MAP3K15: variants seen among roughly 807,000 people sequenced by gnomAD.
MAP3K15 encodes mitogen-activated protein kinase kinase kinase 15.
A neutral mutation model predicts 99.5 loss-of-function variants in MAP3K15; 124 were observed. That is an observed-to-expected ratio of 1.25 (90% CI 1.08 to 1.45). The LOEUF is 1.45. Among genes scored for constraint, MAP3K15 ranks in the 40% most tolerant of loss-of-function variants. MAP3K15 has a pLI of 0.00. For synonymous variants in MAP3K15, 494 were observed against 439.6 expected (o/e 1.12, Z -1.55); for missense variants, 1,242 against 1,079.7 (o/e 1.15, Z -2.11).
chrX:19,451,471 TCAA>T (rs1400987609), intron 6 of MAP3K15, among the ~76,000 whole-genome samples: 2 of 98,565 alleles, frequency 2.0e-5, no homozygotes, highest in African/African-American at 7.0e-5. Context: ...CTCCTACAAC[TCAA>T]CAACAACAAA....
Position 19,425,549 on chromosome X carries a change from T to C in MAP3K15, c.1421A>G (p.Lys474Arg), listed in dbSNP as rs746482839. Reference protein sequence around the residue: ...KAVQAAERLFKLKPPVWYLRS... With the variant: ...KAVQAAERLFRLKPPVWYLRS... ...AACTCACCAGACTGGAGGTTTCAGT[T>C]TGAACAACCTCTCTGCTGCCTGGAC... Residue 474 changes from lysine (K) to arginine (R), a missense_variant, in exon 9 of 29, where the codon AAA (lysine) becomes AGA (arginine). Lys to Arg is a conservative substitution (Grantham distance 26). Transcript: ENST00000338883. 69 of 1,196,027 alleles carry C rather than the reference T, an allele frequency of 5.8e-5. No homozygotes were observed. The highest frequency in any genetic ancestry group is 7.3e-5 in the Non-Finnish European group (65 of 893,598).
Position 19,464,290 on chromosome X carries a change from G to T in MAP3K15, c.642C>A (p.Asp214Glu). ...GCATGCACAGCGGGCCCAGGATGTTGTCCCAGTTGGGCTGCATGTACTCGG... is the reference window on the plus strand; with the variant it reads ...GCATGCACAGCGGGCCCAGGATGTTTTCCCAGTTGGGCTGCATGTACTCGG... ...RASEYMQPNW[D>E]NILGPLCMPL... The change falls in exon 4 of 29, where the codon GAC becomes GAA. Residue 214 changes from aspartate (D) to glutamate (E), a missense_variant. Physicochemically the swap from Asp to Glu is conservative, Grantham distance 45. Transcript: ENST00000338883. The T allele has an allele frequency of 8.3e-7, 1 of 1,200,115 alleles. No individual in the cohort carries two copies. Among genetic ancestry groups the T allele is most frequent in the Non-Finnish European group, 1.1e-6 (1 of 895,059 alleles).
chrX:19,382,839 C>T (rs1046370497), intron 18 of MAP3K15, among the ~76,000 whole-genome samples: 1 of 112,053 alleles, frequency 8.9e-6, no homozygotes, highest in African/African-American at 3.2e-5. Flanking sequence ...AGGAAGGATC[C>T]GATACTGTGC....
intron 25 of MAP3K15, among the ~76,000 whole-genome samples, chrX:19,367,723 A>G (rs1193388398): frequency 8.3e-5 from 2 of 24,107 alleles, no homozygotes; most frequent in African/African-American, 1.3e-4. Context: ...ATAACTATGG[A>G]TTTTTTTTTT....
intron 9 of MAP3K15, among the ~76,000 whole-genome samples, chrX:19,424,248 A>G (rs1449134622): frequency 2.8e-5 from 3 of 107,526 alleles, no homozygotes; most frequent in Admixed American, 1.0e-4. Flanking sequence ...ATATATACAT[A>G]TATATACACA....
rs1569196438 is a variant in MAP3K15 at position 19,361,321 on chromosome X, C to CTT, written c.3857+17_3857+18insAA. 1 of 1,169,461 alleles carries CTT rather than the reference C, an allele frequency of 8.6e-7. No homozygotes were observed. Among genetic ancestry groups the CTT allele is most frequent in the Admixed American group, 2.3e-5 (1 of 44,326 alleles). On this transcript the variant is annotated intron_variant, in intron 28 of 28. Transcript: ENST00000338883. ...AAAAAGTTGTATTCTCTTATACAAA[C>CTT]TGTTTTGAGGCTCTTACCGTAGTCG... is the stretch of plus-strand genomic sequence containing the variant.
chrX:19,427,526 T>C (rs1016165647), intron 7 of MAP3K15, among the ~76,000 whole-genome samples: 1 of 111,176 alleles, frequency 9.0e-6, no homozygotes, highest in Non-Finnish European at 1.9e-5. Context: ...ATCTACTATA[T>C]CAGGATAAGC....
chrX:19,380,089 C>T (rs369767905), intron 19 of MAP3K15, 31 bp downstream of exon 19: 55 of 1,152,231 alleles, frequency 4.8e-5, no homozygotes, highest in South Asian at 6.1e-5. Context: ...TTCCCAACCA[C>T]GCCCAACCTC....
Position 19,446,202 on chromosome X carries a change from A to G in MAP3K15, c.995+10711T>C, listed in dbSNP as rs929803876. 5.4e-5 allele frequency among the ~76,000 whole-genome samples: 6 copies of G among 112,037 alleles called. 1 individual carries two copies. Among genetic ancestry groups the G allele is most frequent in the African/African-American group, 1.9e-4 (6 of 30,862 alleles). ...AGCAAAGTGAGAAAGCACACAGAGT[A>G]GGTTTTCCTCTCCCTGGGAACGGTG... On this transcript the variant is annotated intron_variant, in intron 6 of 28. Transcript: ENST00000338883.
At chrX:19,429,814 GAGAGAGA>G (rs1292311733) in intron 7 of MAP3K15, among the ~76,000 whole-genome samples, 7 of 90,370 alleles carry the variant, frequency 7.7e-5, no homozygotes, top group Admixed American at 2.3e-4. Flanking sequence ...GAGAGAGAGA[GAGAGAGA>G]GGAAGCAGTT....
intron 1 of MAP3K15, among the ~76,000 whole-genome samples, chrX:19,512,642 CTT>C (rs896407684): frequency 3.9e-4 from 28 of 71,244 alleles, no homozygotes; most frequent in Non-Finnish European, 6.5e-4. Flanking sequence ...CCACATCCTG[CTT>C]TTTTTTTTTT....
chrX:19,445,589 CA>C (rs764600771), intron 6 of MAP3K15, among the ~76,000 whole-genome samples: 1,346 of 38,477 alleles, frequency 0.035, 22 homozygotes, highest in African/African-American at 0.068. Flanking sequence ...GACTCTGTCT[CA>C]AAAAAAAAAA....
chrX:19,478,401 T>C (rs2064267305), intron 3 of MAP3K15, among the ~76,000 whole-genome samples: 1 of 107,208 alleles, frequency 9.3e-6, no homozygotes, highest in African/African-American at 3.4e-5. Context: ...TAATTGTCTT[T>C]CTACCAAAGC....
intron 13 of MAP3K15, among the ~76,000 whole-genome samples, chrX:19,406,576 G>A (rs1242117031): frequency 8.9e-6 from 1 of 112,602 alleles, no homozygotes; most frequent in Non-Finnish European, 1.9e-5. Context: ...AAGATGGGGC[G>A]AGGTTGAGGG....
At position 19,398,356 on chromosome X, in the gene MAP3K15, C is replaced by T; in HGVS notation, c.1936G>A (p.Glu646Lys). 8.3e-7 allele frequency: 1 copy of T among 1,210,291 alleles called. No homozygotes were observed. The highest frequency in any genetic ancestry group is 1.1e-6 in the Non-Finnish European group (1 of 894,950). The change falls in exon 15 of 29, where the codon GAG (glutamate) becomes AAG (lysine). Residue 646 changes from glutamate (E) to lysine (K), a missense_variant. By Grantham distance (56) the Glu-to-Lys change is moderately conservative. Transcript: ENST00000338883. ...GETDGDTLEY[E>K]YDHDANGERV... ...TCACCATTTGCATCATGGTCATACTCATACTGAAGAAGGAAAAACAAAAGG... is the reference window on the plus strand; with the variant it reads ...TCACCATTTGCATCATGGTCATACTTATACTGAAGAAGGAAAAACAAAAGG...
chrX:19,513,099 A>C (rs73455694), intron 1 of MAP3K15, among the ~76,000 whole-genome samples: 2,050 of 111,649 alleles, frequency 0.018, 56 homozygotes, highest in African/African-American at 0.063. Flanking sequence ...AGGTTAACCA[A>C]AGGGAGCTCG....
At chrX:19,385,490 A>G (rs2147237156) in intron 18 of MAP3K15, among the ~76,000 whole-genome samples, 1 of 111,523 alleles carries the variant, frequency 9.0e-6, no homozygotes, top group African/African-American at 3.3e-5. Context: ...GGAGGGAACT[A>G]CGCAAGGGTG....
chrX:19,478,338 G>C (rs1441829735), intron 3 of MAP3K15, among the ~76,000 whole-genome samples: 1 of 104,274 alleles, frequency 9.6e-6, no homozygotes, highest in Non-Finnish European at 2.0e-5. Flanking sequence ...AAAAGTACTA[G>C]AAATCTTTTG....
Position 19,361,351 on chromosome X carries a change from T to C in MAP3K15, c.3845A>G (p.Tyr1282Cys), listed in dbSNP as rs1369520749. ...TTGAGGCTCTTACCGTAGTCGAAGGTATCTTAGATCTTCCTTAGTGATCTC... is the reference window on the plus strand; with the variant it reads ...TTGAGGCTCTTACCGTAGTCGAAGGCATCTTAGATCTTCCTTAGTGATCTC... ...LNEITKEDLR[Y>C]LRLRGGLLCR... Residue 1282 changes from tyrosine (Y) to cysteine (C), a missense_variant, in exon 28 of 29, where the codon TAC becomes TGC. By Grantham distance (194) the Tyr-to-Cys change is radical. Transcript: ENST00000338883. 2 of 1,204,513 alleles carry C rather than the reference T, an allele frequency of 1.7e-6. No homozygotes were observed. The highest frequency in any genetic ancestry group is 1.1e-6 in the Non-Finnish European group (1 of 889,763).
Sources: allele counts gnomAD v4.1 joint callset (sites outside exome capture counted in the v4.1 genomes callset), GRCh38; gene constraint gnomAD v4.1.1; transcripts MANE v1.5; gene names NCBI Gene and HGNC (gene_info 2026-07-23, HGNC 2026-07-21).